Variants in MAGI2 observed in about 807,000 individuals in gnomAD.
The protein encoded by MAGI2 is membrane associated guanylate kinase, WW and PDZ domain containing 2, also known as membrane-associated guanylate kinase, WW and PDZ domain-containing protein 2.
A neutral mutation model predicts 133.3 loss-of-function variants in MAGI2; 35 were observed. The ratio of observed to expected loss-of-function variants is 0.26; its 90% confidence interval spans 0.20 to 0.35. MAGI2 has a LOEUF of 0.35. MAGI2 is among the 10% of genes least tolerant of loss of function. The pLI is 1.00. For missense variants in MAGI2, 1,636 were observed against 1,863.4 expected (o/e 0.88, Z 2.25); for synonymous variants, 729 against 710.6 (o/e 1.03, Z -0.41).
chr7:78,862,970 C>T (rs1386673268), intron 2 of MAGI2, among the ~76,000 whole-genome samples: 1 of 152,198 alleles, frequency 6.6e-6, no homozygotes, highest in Non-Finnish European at 1.5e-5. Flanking sequence ...TCTAACAATG[C>T]TAGAAGTAAC....
At chr7:78,873,412 A>G (rs920838758) in intron 2 of MAGI2, among the ~76,000 whole-genome samples, 4 of 151,942 alleles carry the variant, frequency 2.6e-5, no homozygotes, top group Admixed American at 6.6e-5. Flanking sequence ...TCAGATCATC[A>G]TCAGCATTAG....
At chr7:78,261,164 ACTTGATCT>A (rs2150962456) in intron 9 of MAGI2, among the ~76,000 whole-genome samples, 1 of 152,216 alleles carries the variant, frequency 6.6e-6, no homozygotes, top group South Asian at 2.1e-4. Context: ...AGTTCAAACT[ACTTGATCT>A]CTTGATCAGC....
At chr7:78,684,477 G>C (rs1338045615) in intron 2 of MAGI2, among the ~76,000 whole-genome samples, 2 of 152,112 alleles carry the variant, frequency 1.3e-5, no homozygotes, top group Non-Finnish European at 2.9e-5. Context: ...CCCAACTGCA[G>C]AACCCAAATA....
intron 3 of MAGI2, among the ~76,000 whole-genome samples, chr7:78,546,600 C>G (rs983104703): frequency 6.6e-6 from 1 of 152,102 alleles, no homozygotes; most frequent in Non-Finnish European, 1.5e-5. Flanking sequence ...ATATTGCCAA[C>G]AGCTGTGTCC....
chr7:78,098,866 A>G (rs1817950092), intron 20 of MAGI2, among the ~76,000 whole-genome samples: 1 of 152,136 alleles, frequency 6.6e-6, no homozygotes, highest in African/African-American at 2.4e-5. Flanking sequence ...GTTTTCAGAT[A>G]TTTATTAGCC....
chr7:79,001,104 A>G (rs140952128), intron 2 of MAGI2, among the ~76,000 whole-genome samples: 461 of 152,238 alleles, frequency 3.0e-3, no homozygotes, highest in African/African-American at 0.01. Flanking sequence ...TTTAGTAGAA[A>G]TGGGGTTTCA....
Position 78,165,306 on chromosome 7 carries a change from CAG to C in MAGI2, c.2596+2608_2596+2609del, listed in dbSNP as rs1825516320. Among the ~76,000 whole-genome samples the C allele has an allele frequency of 3.3e-5, 5 of 151,652 alleles. No individual in the cohort carries two copies. In the South Asian group the frequency reaches 1.0e-3, roughly 32 times the overall value. ...TATCACTGCACTCCAGCTTGGGTGA[CAG>C]AGTGAGACCTTTTCTCAAAAAAATT... On this transcript the variant is annotated intron_variant, in intron 15 of 21. Coordinates refer to ENST00000354212, the MANE Select transcript of MAGI2 (RefSeq NM_012301.4).
chr7:78,422,837 G>GAT (rs2151410390), intron 6 of MAGI2, among the ~76,000 whole-genome samples: 1 of 152,206 alleles, frequency 6.6e-6, no homozygotes, highest in African/African-American at 2.4e-5. Flanking sequence ...CCGCTTTTCT[G>GAT]ATAGTATTGT....
At chr7:78,122,944 T>C (rs1322310985) in intron 20 of MAGI2, among the ~76,000 whole-genome samples, 8 of 152,180 alleles carry the variant, frequency 5.3e-5, no homozygotes, top group African/African-American at 1.9e-4. Context: ...GAAAATTTCA[T>C]CCCTCCCAAT....
At chr7:78,054,581 T>C (rs887294948) in intron 21 of MAGI2, among the ~76,000 whole-genome samples, 2 of 145,570 alleles carry the variant, frequency 1.4e-5, no homozygotes, top group African/African-American at 2.7e-5. Context: ...CCTTCATTCA[T>C]AGGCATACTT....
At chr7:79,331,760 T>A (rs1252576227) in intron 1 of MAGI2, among the ~76,000 whole-genome samples, 1 of 152,142 alleles carries the variant, frequency 6.6e-6, no homozygotes, top group Non-Finnish European at 1.5e-5. Flanking sequence ...AAATTGGTCA[T>A]GTAGTAGTAT....
chr7:79,377,574 A>G (rs912103351), intron 1 of MAGI2, among the ~76,000 whole-genome samples: 14 of 151,888 alleles, frequency 9.2e-5, no homozygotes, highest in African/African-American at 3.1e-4. Context: ...AGAATGCCAA[A>G]ACAGCAGTTA....
intron 10 of MAGI2, among the ~76,000 whole-genome samples, chr7:78,206,290 C>CTTTT (rs774941321): frequency 9.0e-6 from 1 of 111,250 alleles, no homozygotes; most frequent in Non-Finnish European, 1.9e-5. Context: ...TTTCCTTTTC[C>CTTTT]TTTCTTTTTT....
At chr7:79,295,716 G>C (rs1836876274) in intron 1 of MAGI2, among the ~76,000 whole-genome samples, 3 of 151,826 alleles carry the variant, frequency 2.0e-5, no homozygotes. Flanking sequence ...ACGAAAGCAG[G>C]AATTTTTTTT....
intron 1 of MAGI2, among the ~76,000 whole-genome samples, chr7:79,393,669 C>T (rs1844831470): frequency 6.6e-6 from 1 of 152,058 alleles, no homozygotes; most frequent in Non-Finnish European, 1.5e-5. Flanking sequence ...ATTGGAAATC[C>T]CACAGGTATT....
chr7:78,852,387 T>A (rs1745876411), intron 2 of MAGI2, among the ~76,000 whole-genome samples: 3 of 152,132 alleles, frequency 2.0e-5, no homozygotes, highest in African/African-American at 7.2e-5. Context: ...TTAAGTTTTA[T>A]ATAGTTTTGT....
At chr7:78,514,616 C>G (rs536710102) in intron 4 of MAGI2, among the ~76,000 whole-genome samples, 1 of 152,216 alleles carries the variant, frequency 6.6e-6, no homozygotes, top group East Asian at 1.9e-4. Context: ...CTCTGTGAAC[C>G]CACACAAAAA....
At chr7:78,484,619 C>G (rs1170188100) in intron 6 of MAGI2, 1 of 151,950 alleles carries the variant, frequency 6.6e-6, no homozygotes, top group Non-Finnish European at 1.5e-5. Flanking sequence ...TGGATTTGTT[C>G]ATTTCCATTT....
At chr7:78,353,500 C>T (rs1791735745) in intron 7 of MAGI2, among the ~76,000 whole-genome samples, 1 of 152,118 alleles carries the variant, frequency 6.6e-6, no homozygotes, top group African/African-American at 2.4e-5. Flanking sequence ...CAGGGATATC[C>T]TGCATAAGTT....
Sources: gnomAD v4.1 joint callset for allele counts (sites outside exome capture counted in the v4.1 genomes callset) on GRCh38, gnomAD v4.1.1 for gene constraint, MANE v1.5 for transcripts, NCBI Gene and HGNC (gene_info 2026-07-23, HGNC 2026-07-21) for gene names.